Variants in TBC1D15 observed in about 807,000 individuals in gnomAD.
TBC1D15 encodes TBC1 domain family member 15, also known as GAP for RAB7.
TBC1D15 carries 39 observed loss-of-function variants against 95.4 expected under a neutral mutation model. The observed-to-expected ratio is 0.41, with a 90% confidence interval of 0.32 to 0.53. The LOEUF is 0.53. Among genes scored for constraint, TBC1D15 ranks in the 20% least tolerant of loss-of-function variants. TBC1D15 has a pLI of 0.29. For missense variants in TBC1D15, 733 were observed against 794.3 expected, an observed-to-expected ratio of 0.92 and a Z score of 0.93; for synonymous variants, 258 against 261.3, an observed-to-expected ratio of 0.99 and a Z score of 0.12.
At chr12:71,858,715 T>C (rs1486135477) in intron 1 of TBC1D15, among the ~76,000 whole-genome samples, 1 of 151,946 alleles carries the variant, frequency 6.6e-6, no homozygotes, top group East Asian at 1.9e-4. Flanking sequence ...CCACCATGCC[T>C]GGCTAATTAT....
intron 1 of TBC1D15, chr12:71,850,152 A>G (rs1485537974): frequency 1.8e-6 from 1 of 554,218 alleles, no homozygotes; most frequent in African/African-American, 1.9e-5. Context: ...TGATAATCAT[A>G]TTATTTCTGG....
intron 15 of TBC1D15, 42 bp downstream of exon 15, chr12:71,920,889 C>A: frequency 7.0e-7 from 1 of 1,427,088 alleles, no homozygotes; most frequent in African/African-American, 1.4e-5. Flanking sequence ...TCTGGCTTTT[C>A]TATTTGGTGG....
intron 10 of TBC1D15, among the ~76,000 whole-genome samples, chr12:71,905,666 G>A (rs2138872327): frequency 6.6e-6 from 1 of 152,130 alleles, no homozygotes; most frequent in Non-Finnish European, 1.5e-5. Flanking sequence ...TAAATAGCAT[G>A]AGTTTTTTGG....
intron 1 of TBC1D15, among the ~76,000 whole-genome samples, chr12:71,856,820 TA>T (rs1390950123): frequency 6.6e-6 from 1 of 152,190 alleles, no homozygotes; most frequent in African/African-American, 2.4e-5. Flanking sequence ...CTTAAGTTGA[TA>T]GCCTTTTTCA....
At chr12:71,866,340 C>G (rs931890753) in intron 1 of TBC1D15, among the ~76,000 whole-genome samples, 1 of 152,218 alleles carries the variant, frequency 6.6e-6, no homozygotes, top group Admixed American at 6.5e-5. Flanking sequence ...TATTTAGACT[C>G]GAGGCAGCTC....
rs749914058 is a variant in TBC1D15 at position 71,884,996 on chromosome 12, C to G, written c.529C>G (p.Leu177Val). 1.2e-5 allele frequency: 19 copies of G among 1,613,640 alleles called. No individual in the cohort carries two copies. The highest frequency in any genetic ancestry group is 1.4e-5 in the Non-Finnish European group (17 of 1,179,808). ...AGATAGCAAACTACTGATTGAATCT[C>G]TTGAAAAATATGTGGTATTGTGTGA... ...QGDSKLLIESLEKYVVLCESP... is the reference protein window; with the variant it reads ...QGDSKLLIESVEKYVVLCESP... Residue 177 changes from leucine (L) to valine (V), a missense_variant, in exon 5 of 17, where the codon CTT becomes GTT. Leu to Val is a conservative substitution (Grantham distance 32). Transcript: ENST00000485960.
At chr12:71,872,870 AATAAT>A in intron 2 of TBC1D15, 54 bp from the exon 3 acceptor site, 2 of 1,276,732 alleles carry the variant, frequency 1.6e-6, no homozygotes, top group South Asian at 2.8e-5. Flanking sequence ...CAGGGAATAA[AATAAT>A]TAAGAATAAC....
chr12:71,846,689 T>G (rs1459347564), intron 1 of TBC1D15, among the ~76,000 whole-genome samples: 4 of 152,086 alleles, frequency 2.6e-5, no homozygotes, highest in Non-Finnish European at 1.5e-5. Context: ...ATGTATGTAT[T>G]TATTTTTAAT....
intron 10 of TBC1D15, among the ~76,000 whole-genome samples, chr12:71,903,142 G>C (rs1050193839): frequency 6.6e-6 from 1 of 152,036 alleles, no homozygotes; most frequent in Non-Finnish European, 1.5e-5. Flanking sequence ...TCTTGAACTC[G>C]TGGCCTTGTG....
chr12:71,860,585 C>T (rs1015823626), intron 1 of TBC1D15, among the ~76,000 whole-genome samples: 2 of 151,982 alleles, frequency 1.3e-5, no homozygotes, highest in Admixed American at 6.6e-5. Flanking sequence ...AATTTTTGTT[C>T]GTTGATTTTG....
At chr12:71,920,874 A>G in intron 15 of TBC1D15, 27 bp downstream of exon 15, 1 of 1,543,320 alleles carries the variant, frequency 6.5e-7, no homozygotes, top group Non-Finnish European at 8.9e-7. Flanking sequence ...TTCAGATTTT[A>G]GTGTTCTGGC....
rs1029308453 is a variant in TBC1D15 at position 71,915,155 on chromosome 12, C to T, written c.1401+1229C>T. On this transcript the variant is annotated intron_variant, in intron 12 of 16. Transcript: ENST00000485960. ...CTTTTTTGATTGATTTGTCTACCTT[C>T]TTAGTTCCATTTACTCCCAAGTGCT... 7.9e-5 allele frequency among the ~76,000 whole-genome samples: 12 copies of T among 151,670 alleles called. No homozygotes were observed. The South Asian group carries it at 2.5e-3, about 31-fold the overall frequency.
chr12:71,839,790 G>T lies in TBC1D15; in HGVS notation c.9G>T (p.Ala3=), dbSNP rs767040202. Residue 3 remains alanine (A), a synonymous_variant, in exon 1 of 17, where the codon GCG becomes GCT. Coordinates refer to ENST00000485960, the MANE Select transcript of TBC1D15 (RefSeq NM_001146213.3). MA[A]AGVVSGKIIY... is the part of the protein sequence containing the mutation. ...AGGCACGCGCAGGAAACATGGCGGC[G>T]GCGGGTGTTGTGAGCGGGAAGGTAG... 2.7e-5 allele frequency: 44 copies of T among 1,614,068 alleles called. No homozygotes were observed. Among genetic ancestry groups the T allele is most frequent in the Non-Finnish European group, 3.7e-5 (44 of 1,180,040 alleles).
At chr12:71,840,792 G>A (rs905214194) in intron 1 of TBC1D15, among the ~76,000 whole-genome samples, 1 of 152,186 alleles carries the variant, frequency 6.6e-6, no homozygotes, top group African/African-American at 2.4e-5. Flanking sequence ...GTGGTTTGGT[G>A]TTTGGAGTAT....
chr12:71,901,635 C>T (rs1189304307), intron 10 of TBC1D15, among the ~76,000 whole-genome samples: 1 of 152,118 alleles, frequency 6.6e-6, no homozygotes, highest in East Asian at 1.9e-4. Context: ...CCATCTATCA[C>T]AGACCCACAG....
chr12:71,877,659 A>G (rs899400830), intron 3 of TBC1D15, among the ~76,000 whole-genome samples: 1 of 150,862 alleles, frequency 6.6e-6, no homozygotes, highest in Non-Finnish European at 1.5e-5. Flanking sequence ...CTATAATTTC[A>G]TTACTAAGAC....
intron 4 of TBC1D15, among the ~76,000 whole-genome samples, chr12:71,881,221 C>T (rs2138475377): frequency 6.6e-6 from 1 of 152,314 alleles, no homozygotes; most frequent in South Asian, 2.1e-4. Context: ...ACCTTTTCTA[C>T]ATTTAGACGT....
rs753085630 is a variant in TBC1D15 at position 71,893,222 on chromosome 12, A to T, written c.555A>T (p.Glu185Asp). The T allele has an allele frequency of 1.9e-6, 3 of 1,585,870 alleles. No individual in the cohort carries two copies. Among genetic ancestry groups the T allele is most frequent in the Non-Finnish European group, 2.6e-6 (3 of 1,165,110 alleles). The change falls in exon 6 of 17, where the codon GAA becomes GAT. Residue 185 changes from glutamate to aspartate, a missense_variant and splice_region_variant. Coordinates refer to ENST00000485960, the MANE Select transcript of TBC1D15 (RefSeq NM_001146213.3). ...ESLEKYVVLC[E>D]SPQDKRTLLV... ...CTACAAATCCTCTTTTTTATTATAG[A>T]TCTCCACAGGATAAAAGAACACTTC...
At chr12:71,883,544 T>C (rs1895633210) in intron 4 of TBC1D15, among the ~76,000 whole-genome samples, 1 of 152,156 alleles carries the variant, frequency 6.6e-6, no homozygotes, top group Non-Finnish European at 1.5e-5. Flanking sequence ...AGATTTCTTT[T>C]TGTGAGTTCA....
Sources: allele counts gnomAD v4.1 joint callset (sites outside exome capture counted in the v4.1 genomes callset), GRCh38; gene constraint gnomAD v4.1.1; transcripts MANE v1.5; gene names NCBI Gene and HGNC (gene_info 2026-07-23, HGNC 2026-07-21).